The following POLR2F variants were observed in gnomAD, a reference collection of about 807,000 sequenced individuals.
The protein encoded by POLR2F is DNA-directed RNA polymerases I, II, and III subunit RPABC2.
Under a neutral mutation model 22.7 loss-of-function variants are expected in POLR2F, and 12 were observed. The ratio of observed to expected loss-of-function variants is 0.53; its 90% CI spans 0.34 to 0.86. The LOEUF (loss-of-function observed/expected upper bound fraction) is 0.86. POLR2F is among the 40% of genes least tolerant of loss of function. The pLI, the probability that POLR2F is intolerant of heterozygous loss-of-function variation, is 0.02. For missense variants in POLR2F, 126 were observed against 171.5 expected, an observed-to-expected ratio of 0.73 and a Z score of 1.48; for synonymous variants, 57 against 66.0, an observed-to-expected ratio of 0.86 and a Z score of 0.66.
chr22:37,965,719 G>A (rs1181365191), intron 3 of POLR2F, among the ~76,000 whole-genome samples: 1 of 152,206 alleles, frequency 6.6e-6, no homozygotes, highest in Non-Finnish European at 1.5e-5. Context: ...AATAAAATTA[G>A]TAAGCTGGTA....
intron 5 of POLR2F, among the ~76,000 whole-genome samples, chr22:38,034,739 C>T (rs2085098330): frequency 6.6e-6 from 1 of 152,176 alleles, no homozygotes; most frequent in African/African-American, 2.4e-5. Context: ...GGGGGTTGTG[C>T]CTGCGCAGCT....
In POLR2F at chr22:37,953,793, A is replaced by AGACAACGAG; in HGVS notation, c.12_20dup (p.Glu5_Asn7dup). ...GTCGCTGAGGCGAGGGTGTCATGTC[A>AGACAACGAG]GACAACGAGGACAAGTGAGTGCGGG... On this transcript the variant is annotated inframe_insertion, in exon 1 of 5. Transcript: ENST00000442738. 1.2e-6 allele frequency: 2 copies of AGACAACGAG among 1,609,886 alleles called. No homozygotes were observed. The highest frequency in any genetic ancestry group is 2.2e-5 in the South Asian group (2 of 90,304).
chr22:37,973,112 G>A (rs2145759697), downstream of POLR2F: 1 of 207,176 alleles, frequency 4.8e-6, no homozygotes, highest in South Asian at 1.4e-4. Flanking sequence ...AGAGAAAACA[G>A]GAGTCATAGG....
Position 38,016,768 on chromosome 22 carries a change from C to G in POLR2F, c.121-9101C>G, listed in dbSNP as rs1477584373. On this transcript the variant is annotated intron_variant, in intron 1 of 2. Transcript: ENST00000333418. The surrounding 1 kb of genome is among the most constrained non-coding windows in gnomAD (Gnocchi z 4.4). ...GCGGGAGGGGGCCGCCGTCAATGCCCGCATTGTCCCCGCGCTTTTTGTTTC... is the reference window on the plus strand; with the variant it reads ...GCGGGAGGGGGCCGCCGTCAATGCCGGCATTGTCCCCGCGCTTTTTGTTTC... Among the ~76,000 whole-genome samples the G allele has an allele frequency of 6.6e-6, 1 of 151,894 alleles. No individual in the cohort carries two copies. Among genetic ancestry groups the G allele is most frequent in the Non-Finnish European group, 1.5e-5 (1 of 67,956 alleles).
chr22:38,016,589 G>A lies in POLR2F; in HGVS notation c.121-9280G>A, dbSNP rs1357352783. ...GGGCTTAGAAGCAGCTGCGCGCGAC[G>A]TTGACATTGTTCCCACCATTCTAAG... On this transcript the variant is annotated intron_variant, in intron 1 of 2. Transcript: ENST00000333418. This position sits in a 1 kb window ranked among gnomAD's most constrained non-coding sequence, Gnocchi z 4.4. 1.3e-5 allele frequency among the ~76,000 whole-genome samples: 2 copies of A among 152,194 alleles called. No homozygotes were observed. The highest frequency in any genetic ancestry group is 2.9e-5 in the Non-Finnish European group (2 of 68,026).
chr22:37,955,834 C>A (rs1322381801), intron 1 of POLR2F, among the ~76,000 whole-genome samples: 1 of 151,586 alleles, frequency 6.6e-6, no homozygotes. Context: ...AGGCGCCCAC[C>A]ACCACACCCG....
At chr22:38,024,161 A>G (rs913907295) in intron 1 of POLR2F, among the ~76,000 whole-genome samples, 15 of 151,942 alleles carry the variant, frequency 9.9e-5, no homozygotes, top group African/African-American at 3.6e-4. Context: ...TATGATTTTG[A>G]CTACTCTGGG....
downstream of POLR2F, chr22:37,974,201 G>T (rs1569167970): frequency 1.3e-6 from 2 of 1,597,326 alleles, no homozygotes; most frequent in Non-Finnish European, 1.7e-6. This position sits in a 1 kb window ranked among gnomAD's most constrained non-coding sequence, Gnocchi z 5.4. Context: ...GCTCTGGCCT[G>T]GGTAGAAGGG....
upstream of POLR2F, chr22:37,983,668 TCCG>T (rs759284353): frequency 1.3e-5 from 21 of 1,579,134 alleles, no homozygotes; most frequent in East Asian, 4.6e-5. The surrounding 1 kb of genome is among the most constrained non-coding windows in gnomAD (Gnocchi z 9.5). Flanking sequence ...GCAGGCCCGA[TCCG>T]CCGCCGCCGC....
chr22:38,039,058 G>A (rs919310971), intron 5 of POLR2F, among the ~76,000 whole-genome samples: 2 of 152,206 alleles, frequency 1.3e-5, no homozygotes, highest in African/African-American at 4.8e-5. Context: ...TGGGACAAGA[G>A]GCAGCCCTCC....
chr22:38,037,414 C>T (rs1289460121), intron 5 of POLR2F, among the ~76,000 whole-genome samples: 2 of 150,520 alleles, frequency 1.3e-5, no homozygotes, highest in Non-Finnish European at 2.9e-5. Flanking sequence ...GCTGGGACTA[C>T]AGGTGCACAC....
chr22:37,953,977 C>A, intron 1 of POLR2F, 170 bp downstream of exon 1: 3 of 754,028 alleles, frequency 4.0e-6, no homozygotes, highest in South Asian at 1.8e-5. Context: ...AGGAGCACAG[C>A]CCCGGCTGGA....
chr22:38,013,848 C>T (rs764639447), intron 1 of POLR2F, among the ~76,000 whole-genome samples: 25 of 152,224 alleles, frequency 1.6e-4, no homozygotes, highest in Non-Finnish European at 3.4e-4. Flanking sequence ...TGTGGCCAGG[C>T]GCGGTGGCTT....
At chr22:38,002,726 T>C (rs1402056901) in intron 1 of POLR2F, among the ~76,000 whole-genome samples, 1 of 152,010 alleles carries the variant, frequency 6.6e-6, no homozygotes, top group Non-Finnish European at 1.5e-5. Flanking sequence ...GATGGTGACT[T>C]TTGAGTCTTT....
chr22:37,994,355 G>A (rs2084691455), intron 1 of POLR2F, among the ~76,000 whole-genome samples: 1 of 152,086 alleles, frequency 6.6e-6, no homozygotes, highest in South Asian at 2.1e-4. Flanking sequence ...ATTTTGTTTT[G>A]TGTTGTTTTT....
At chr22:38,023,424 C>A (rs974735845) in intron 1 of POLR2F, among the ~76,000 whole-genome samples, 1 of 151,682 alleles carries the variant, frequency 6.6e-6, no homozygotes, top group Admixed American at 6.6e-5. Context: ...GTAAGGGACT[C>A]GTGCCTTTTT....
Position 37,968,410 on chromosome 22 carries a change from A to C in POLR2F, c.*695A>C. 1 of 985,744 alleles carries C rather than the reference A, an allele frequency of 1.0e-6. No individual in the cohort carries two copies. The highest frequency in any genetic ancestry group is 1.2e-6 in the Non-Finnish European group (1 of 830,128). 61.1% of individuals were successfully genotyped at this position (985,744 alleles called of 1,614,324 possible). A position where few individuals can be genotyped will look rare whatever the true frequency, so the allele number is the denominator to read the frequency against. On this transcript the variant is annotated 3_prime_UTR_variant, in exon 5 of 5. Coordinates refer to ENST00000442738, the MANE Select transcript of POLR2F (RefSeq NM_021974.5). ...CCCACCTCTTTGGTGTGCCACACCC[A>C]TGCCTTCTTCCTAGCCTCTATAAGA... is the stretch of plus-strand genomic sequence containing the variant.
intron 1 of POLR2F, among the ~76,000 whole-genome samples, chr22:37,956,246 C>T (rs572168686): frequency 6.6e-6 from 1 of 151,808 alleles, no homozygotes; most frequent in South Asian, 2.1e-4. Context: ...TGTGCCACCA[C>T]CACTCCCGGC....
chr22:37,987,310 G>A (rs781720979), intron 1 of POLR2F: 4 of 456,692 alleles, frequency 8.8e-6, no homozygotes, highest in Non-Finnish European at 1.8e-5. Context: ...TTACTCAGAA[G>A]ATGGGCCCCA....
Sources: allele counts gnomAD v4.1 joint callset (sites outside exome capture counted in the v4.1 genomes callset), GRCh38; gene constraint gnomAD v4.1.1; non-coding constraint Gnocchi (gnomAD v3.1); transcripts MANE v1.5; gene names NCBI Gene and HGNC (gene_info 2026-07-23, HGNC 2026-07-21).